Variants in BTN1A1 observed in about 807,000 individuals in gnomAD.
BTN1A1 encodes the protein butyrophilin subfamily 1 member A1, also known as bK14H9.2 (butyrophilin, subfamily 1, member A1).
A neutral mutation model predicts 33.1 loss-of-function variants in BTN1A1; 26 were observed. The observed-to-expected ratio is 0.79, with a 90% CI of 0.58 to 1.09. The LOEUF (loss-of-function observed/expected upper bound fraction) is 1.09. BTN1A1 is among the 50% of genes least tolerant of loss of function. The pLI is 0.00. For synonymous variants in BTN1A1, 235 were observed against 256.2 expected, an observed-to-expected ratio of 0.92 and a Z score of 0.79; for missense variants, 558 against 655.7, an observed-to-expected ratio of 0.85 and a Z score of 1.63.
In BTN1A1 at chr6:26,508,999, C is replaced by A. The variant is rs1763909826; in HGVS notation, c.1406C>A (p.Pro469His). ...FFCLWSSGKK[P>H]LTICPIADGP... ...TGCCTATGGTCTAGCGGTAAAAAGCCCCTGACCATCTGCCCAATTGCTGAT... is the reference window on the plus strand; with the variant it reads ...TGCCTATGGTCTAGCGGTAAAAAGCACCTGACCATCTGCCCAATTGCTGAT... The change falls in exon 8 of 8, where the codon CCC (proline) becomes CAC (histidine). Residue 469 changes from proline (P) to histidine (H), a missense_variant. By Grantham distance (77) the Pro-to-His change is moderately conservative. Transcript: ENST00000684113. 1.9e-6 allele frequency: 3 copies of A among 1,614,080 alleles called. No homozygotes were observed. The highest frequency in any genetic ancestry group is 2.5e-6 in the Non-Finnish European group (3 of 1,180,046).
chr6:26,501,829 G>A lies in BTN1A1; in HGVS notation c.319G>A (p.Val107Met), dbSNP rs1335371812. ...LVQDGIAKGR[V>M]ALRIRGVRVS... ...CCAGGACGGCATCGCCAAGGGGCGC[G>A]TGGCCTTGAGGATCCGTGGCGTCAG... The change falls in exon 3 of 8, where the codon GTG (valine) becomes ATG (methionine). Residue 107 changes from valine to methionine, a missense_variant. Coordinates refer to ENST00000684113, the MANE Select transcript of BTN1A1 (RefSeq NM_001732.3). The surrounding 1 kb of genome is among the most constrained non-coding windows in gnomAD (Gnocchi z 5.2). The A allele has an allele frequency of 1.9e-6, 3 of 1,612,306 alleles. No individual in the cohort carries two copies. The highest frequency in any genetic ancestry group is 2.2e-5 in the East Asian group (1 of 44,860).
intron 5 of BTN1A1, among the ~76,000 whole-genome samples, chr6:26,507,582 C>T (rs1763887032): frequency 6.6e-6 from 1 of 151,472 alleles, no homozygotes; most frequent in South Asian, 2.1e-4. Flanking sequence ...AAAATTTAGC[C>T]AGGGTCGTGG....
At position 26,501,856 on chromosome 6, in the gene BTN1A1, G is replaced by C. The variant is rs1763804599; in HGVS notation, c.346G>C (p.Val116Leu). ...RVALRIRGVR[V>L]SDDGEYTCFF... The stretch of plus-strand genomic sequence containing the variant: ...GGCCTTGAGGATCCGTGGCGTCAGA[G>C]TCTCTGACGACGGGGAGTACACGTG... Residue 116 changes from valine to leucine, a missense_variant, in exon 3 of 8, where the codon GTC (valine) becomes CTC (leucine). Val to Leu is a conservative substitution (Grantham distance 32). Transcript: ENST00000684113. The surrounding 1 kb of genome is among the most constrained non-coding windows in gnomAD (Gnocchi z 5.2). 6.2e-7 allele frequency: 1 copy of C among 1,610,426 alleles called. No homozygotes were observed. Among genetic ancestry groups the C allele is most frequent in the African/African-American group, 1.3e-5 (1 of 74,882 alleles).
At chr6:26,500,422 T>G (rs1046567757) in intron 1 of BTN1A1, among the ~76,000 whole-genome samples, 64 bp downstream of exon 1, 5 of 151,988 alleles carry the variant, frequency 3.3e-5, no homozygotes, top group Non-Finnish European at 7.4e-5. Flanking sequence ...CATAGCATAC[T>G]TCTCTCCCTC....
rs1763798992 is a variant in BTN1A1, at chr6:26,501,553, C to T, written c.80-37C>T. ...GTCGGTGTCTGTCCGTAGTTCCCATCTCCACATCCCGTCTGATCCCGCTCG... is the reference window on the plus strand; with the variant it reads ...GTCGGTGTCTGTCCGTAGTTCCCATTTCCACATCCCGTCTGATCCCGCTCG... On this transcript the variant is annotated intron_variant, in intron 2 of 7. Coordinates refer to ENST00000684113, the MANE Select transcript of BTN1A1 (RefSeq NM_001732.3). The surrounding 1 kb of genome is among the most constrained non-coding windows in gnomAD (Gnocchi z 5.2). The T allele has an allele frequency of 7.5e-6, 12 of 1,607,114 alleles. No homozygotes were observed. Among genetic ancestry groups the T allele is most frequent in the Non-Finnish European group, 1.0e-5 (12 of 1,175,290 alleles).
Position 26,509,086 on chromosome 6 carries a change from C to T in BTN1A1, c.1493C>T (p.Ser498Phe), listed in dbSNP as rs932585751. ...GACCTTTCTAAGGAGATCCCATTGT[C>T]CCCCATGGGGGAGGACTCTGCCCCT... ...AQDLSKEIPL[S>F]PMGEDSAPRD... The change falls in exon 8 of 8, where the codon TCC becomes TTC. Residue 498 changes from serine (S) to phenylalanine (F), a missense_variant. Coordinates refer to ENST00000684113, the MANE Select transcript of BTN1A1 (RefSeq NM_001732.3). 4.3e-6 allele frequency: 7 copies of T among 1,613,912 alleles called. No individual in the cohort carries two copies. In the African/African-American group the frequency reaches 6.7e-5, roughly 15 times the overall value.
chr6:26,507,458 C>T (rs576701357), intron 5 of BTN1A1, among the ~76,000 whole-genome samples: 4 of 152,096 alleles, frequency 2.6e-5, no homozygotes, highest in Admixed American at 6.5e-5. Context: ...CGCAGTGGCT[C>T]ATGCCCGTAG....
chr6:26,508,796 T>C lies in BTN1A1; in HGVS notation c.1203T>C (p.Asn401=). Residue 401 remains asparagine (N), a synonymous_variant, in exon 8 of 8, where the codon AAT becomes AAC. Transcript: ENST00000684113. ...TCTGGGCTGTAGAGTTGTATGGAAA[T>C]GGGTACTGGGCCCTCACTCCTCTCC... ...NGFWAVELYG[N]GYWALTPLRT... 1 of 1,614,136 alleles carries C rather than the reference T, an allele frequency of 6.2e-7. No individual in the cohort carries two copies. The highest frequency in any genetic ancestry group is 8.5e-7 in the Non-Finnish European group (1 of 1,180,014).
At chr6:26,502,419 T>A (rs984754903) in intron 3 of BTN1A1, among the ~76,000 whole-genome samples, 1 of 152,238 alleles carries the variant, frequency 6.6e-6, no homozygotes, top group South Asian at 2.1e-4. Flanking sequence ...CTTATCTGCC[T>A]TATCTCTTTG....
In BTN1A1 at chr6:26,505,214, G is replaced by A. The variant is rs773206149; in HGVS notation, c.709+8G>A. On this transcript the variant is annotated splice_region_variant and intron_variant, in intron 4 of 7. Transcript: ENST00000684113. ...TAGAAATATCCATACCAGGTTAGTG[G>A]AACCAATGCTGCTGGATTCCTATGT... 8.7e-6 allele frequency: 14 copies of A among 1,609,840 alleles called. No homozygotes were observed. Among genetic ancestry groups the A allele is most frequent in the African/African-American group, 1.3e-5 (1 of 74,820 alleles).
Position 26,501,331 on chromosome 6 carries a change from C to T in BTN1A1, c.45C>T (p.Thr15=). 1 of 1,614,130 alleles carries T rather than the reference C, an allele frequency of 6.2e-7. No individual in the cohort carries two copies. The highest frequency in any genetic ancestry group is 8.5e-7 in the Non-Finnish European group (1 of 1,179,996). The change falls in exon 2 of 8, where the codon ACC becomes ACT. Residue 15 remains threonine (T), a synonymous_variant. Coordinates refer to ENST00000684113, the MANE Select transcript of BTN1A1 (RefSeq NM_001732.3). This position sits in a 1 kb window ranked among gnomAD's most constrained non-coding sequence, Gnocchi z 5.2. ...PSSGLPRCLL[T]LILLQLPKLD... ...CCGGTCTCCCCAGATGTCTGCTCAC[C>T]CTCATTCTCCTCCAGCTGCCCAAAC...
chr6:26,501,943 T>C lies in BTN1A1; in HGVS notation c.427+6T>C, dbSNP rs1763806451. The C allele has an allele frequency of 1.9e-6, 3 of 1,546,600 alleles. No homozygotes were observed. The highest frequency in any genetic ancestry group is 1.4e-5 in the African/African-American group (1 of 72,934). On this transcript the variant is annotated splice_donor_region_variant and intron_variant, in intron 3 of 7. Transcript: ENST00000684113. This position sits in a 1 kb window ranked among gnomAD's most constrained non-coding sequence, Gnocchi z 5.2. ...GGTGCATCTGAAGGTGGCTGGTGAG[T>C]AGACGGGTTTTGACTTTCTCCGACG...
intron 4 of BTN1A1, among the ~76,000 whole-genome samples, chr6:26,505,491 C>T (rs1196834745): frequency 6.6e-6 from 1 of 152,170 alleles, no homozygotes; most frequent in Non-Finnish European, 1.5e-5. Flanking sequence ...GCAGAATGAT[C>T]TCAGCTCACT....
chr6:26,508,492 T>G lies in BTN1A1; in HGVS notation c.908-9T>G. Reference sequence around the variant, plus strand: ...ACTGATGTCAGACCTGCTGTTTCTTTCTCTCCAGTTGATGTGACTCTGGAC... The same window carrying G: ...ACTGATGTCAGACCTGCTGTTTCTTGCTCTCCAGTTGATGTGACTCTGGAC... On this transcript the variant is annotated splice_polypyrimidine_tract_variant and intron_variant, in intron 7 of 7. Transcript: ENST00000684113. 6.2e-7 allele frequency: 1 copy of G among 1,604,760 alleles called. No homozygotes were observed. The highest frequency in any genetic ancestry group is 8.5e-7 in the Non-Finnish European group (1 of 1,175,122).
rs1398025951 is a variant in BTN1A1, at chr6:26,504,985, A to AC, written c.488_489insC (p.Glu163AspfsTer33). ...CAAGAGAATGGAGAAATCTGTCTGG[A>AC]GTGCACCTCAGTGGGATGGTACCCA... is the stretch of plus-strand genomic sequence containing the variant. On this transcript the variant is annotated frameshift_variant, in exon 4 of 8. Coordinates refer to ENST00000684113, the MANE Select transcript of BTN1A1 (RefSeq NM_001732.3). LOFTEE classifies it high-confidence loss of function. The AC allele has an allele frequency of 3.7e-6, 6 of 1,614,038 alleles. No homozygotes were observed. The African/African-American group carries it at 8.0e-5, about 22-fold the overall frequency.
In BTN1A1 at chr6:26,509,054, T is replaced by A. The variant is rs1763910460; in HGVS notation, c.1461T>A (p.Asn487Lys). 2.5e-6 allele frequency: 4 copies of A among 1,614,234 alleles called. No homozygotes were observed. In the East Asian group the frequency reaches 8.9e-5, roughly 36 times the overall value. ...DGPERVTVIA[N>K]AQDLSKEIPL... ...CTGAGAGGGTCACAGTCATTGCTAA[T>A]GCCCAGGACCTTTCTAAGGAGATCC... The change falls in exon 8 of 8, where the codon AAT (asparagine) becomes AAA (lysine). Residue 487 changes from asparagine (N) to lysine (K), a missense_variant. Coordinates refer to ENST00000684113, the MANE Select transcript of BTN1A1 (RefSeq NM_001732.3).
At chr6:26,508,139 T>C (rs1763895656) in intron 7 of BTN1A1, 52 bp downstream of exon 7, 1 of 1,544,384 alleles carries the variant, frequency 6.5e-7, no homozygotes, top group African/African-American at 1.4e-5. Context: ...CCCTAGGAAT[T>C]CAAAGTGCTA....
chr6:26,508,582 C>T lies in BTN1A1; in HGVS notation c.989C>T (p.Ser330Leu). ...TCAAAATCTGTTCGACTGGAAGATT[C>T]ACGTCAGAAACTGCCTGAGAAAACA... ...EDSKSVRLED[S>L]RQKLPEKTER... Residue 330 changes from serine (S) to leucine (L), a missense_variant, in exon 8 of 8, where the codon TCA (serine) becomes TTA (leucine). Transcript: ENST00000684113. 6.2e-7 allele frequency: 1 copy of T among 1,614,194 alleles called. No individual in the cohort carries two copies. The highest frequency in any genetic ancestry group is 8.5e-7 in the Non-Finnish European group (1 of 1,180,038).
chr6:26,500,922 T>C (rs1170024511), intron 1 of BTN1A1, among the ~76,000 whole-genome samples: 1 of 151,954 alleles, frequency 6.6e-6, no homozygotes, highest in Non-Finnish European at 1.5e-5. Context: ...CAAAAATAAA[T>C]AAATAAATAA....
Sources: gnomAD v4.1 joint callset for allele counts (sites outside exome capture counted in the v4.1 genomes callset) on GRCh38, gnomAD v4.1.1 for gene constraint, Gnocchi (gnomAD v3.1) non-coding constraint, MANE v1.5 for transcripts, NCBI Gene and HGNC (gene_info 2026-07-23, HGNC 2026-07-21) for gene names.